The following FIGN variants were observed in gnomAD, a reference collection of about 807,000 sequenced individuals.
FIGN encodes fidgetin.
A neutral mutation model predicts 51.3 loss-of-function variants in FIGN; 11 were observed. The ratio of observed to expected loss-of-function variants is 0.21; its 90% confidence interval spans 0.13 to 0.35. FIGN has a LOEUF of 0.35. FIGN is among the 10% of genes least tolerant of loss of function. The probability of loss-of-function intolerance (pLI) is 1.00; values close to 1 mark genes in which losing one functional copy is unlikely to be tolerated. For missense variants in FIGN, 857 were observed against 943.6 expected (o/e 0.91, Z 1.20); for synonymous variants, 407 against 363.2 (o/e 1.12, Z -1.37).
chr2:163,691,854 TA>T, intron 2 of FIGN, among the ~76,000 whole-genome samples: 2 of 152,098 alleles, frequency 1.3e-5, no homozygotes, highest in African/African-American at 4.8e-5. Context: ...GCAATTAGAA[TA>T]AAGAACAAAA....
intron 2 of FIGN, among the ~76,000 whole-genome samples, chr2:163,652,021 C>T (rs1683484801): frequency 2.0e-5 from 3 of 152,108 alleles, no homozygotes; most frequent in Non-Finnish European, 4.4e-5. Context: ...GTTGTCATAC[C>T]TCCAGTTAGG....
chr2:163,699,236 G>GTATGA, intron 2 of FIGN, among the ~76,000 whole-genome samples: 1 of 152,214 alleles, frequency 6.6e-6, no homozygotes, highest in Middle Eastern at 3.4e-3. Flanking sequence ...AGAAAGGCAG[G>GTATGA]TATGAAGAAA....
At chr2:163,628,704 G>A (rs1683095583) in intron 2 of FIGN, among the ~76,000 whole-genome samples, 2 of 152,078 alleles carry the variant, frequency 1.3e-5, no homozygotes, top group African/African-American at 4.8e-5. Flanking sequence ...ATTATATTTG[G>A]AGGAATGAAG....
chr2:163,719,790 T>A (rs972163513), intron 2 of FIGN, among the ~76,000 whole-genome samples: 2 of 152,174 alleles, frequency 1.3e-5, no homozygotes, highest in Non-Finnish European at 2.9e-5. Context: ...ATATCAAGAC[T>A]AAAATTTTGA....
Position 163,607,707 on chromosome 2 carries a change from G to T in FIGN, c.*1845C>A, listed in dbSNP as rs547868762. ...AATGCCAGTGCTTTGCAACAGTTTT[G>T]TTACTGCATCTCTAAACTAAAAAAA... is the stretch of plus-strand genomic sequence containing the variant. On this transcript the variant is annotated 3_prime_UTR_variant, in exon 3 of 3. Transcript: ENST00000333129. 4 of 152,494 alleles carry T rather than the reference G, an allele frequency of 2.6e-5. No individual in the cohort carries two copies. The South Asian group carries it at 8.3e-4, about 32-fold the overall frequency. 9.4% of individuals were successfully genotyped at this position (152,494 alleles called of 1,614,324 possible). A position where few individuals can be genotyped will look rare whatever the true frequency, so the allele number is the denominator to read the frequency against.
chr2:163,688,183 C>G (rs1684184009), intron 2 of FIGN, among the ~76,000 whole-genome samples: 1 of 152,156 alleles, frequency 6.6e-6, no homozygotes, highest in African/African-American at 2.4e-5. Context: ...GCAATGCCTG[C>G]TTATAAAAGA....
At chr2:163,677,189 C>T (rs1216313870) in intron 2 of FIGN, among the ~76,000 whole-genome samples, 6 of 152,222 alleles carry the variant, frequency 3.9e-5, no homozygotes, top group African/African-American at 1.4e-4. Flanking sequence ...GGCTTATTCC[C>T]TGCATGGAAT....
intron 2 of FIGN, among the ~76,000 whole-genome samples, chr2:163,623,884 TA>T (rs369878119): frequency 8.6e-4 from 131 of 152,246 alleles, no homozygotes; most frequent in Middle Eastern, 3.4e-3. Context: ...TAATATGCTC[TA>T]AAAAAATCTA....
chr2:163,638,906 C>G (rs1683266078), intron 2 of FIGN, among the ~76,000 whole-genome samples: 1 of 149,210 alleles, frequency 6.7e-6, no homozygotes, highest in Admixed American at 6.6e-5. Flanking sequence ...AGTTTTTCTC[C>G]TCTAAAAAAA....
chr2:163,660,285 G>A (rs533111962), intron 2 of FIGN, among the ~76,000 whole-genome samples: 77 of 152,072 alleles, frequency 5.1e-4, no homozygotes, highest in African/African-American at 1.7e-3. Flanking sequence ...AATATTCAAT[G>A]CTGCATAATG....
chr2:163,714,342 A>T (rs1463567336), intron 2 of FIGN, among the ~76,000 whole-genome samples: 1 of 152,158 alleles, frequency 6.6e-6, no homozygotes, highest in Non-Finnish European at 1.5e-5. Flanking sequence ...TGTACAAGTA[A>T]GCAGCATGTT....
At chr2:163,714,016 T>C (rs932904179) in intron 2 of FIGN, among the ~76,000 whole-genome samples, 1 of 152,136 alleles carries the variant, frequency 6.6e-6, no homozygotes, top group South Asian at 2.1e-4. Flanking sequence ...AGTGGTCAGC[T>C]CGGGCACTTG....
At chr2:163,694,625 G>C (rs1182523909) in intron 2 of FIGN, among the ~76,000 whole-genome samples, 1 of 152,118 alleles carries the variant, frequency 6.6e-6, no homozygotes, top group African/African-American at 2.4e-5. Flanking sequence ...CTGAGGTCCA[G>C]GAAAGTAAAG....
chr2:163,612,625 A>G (rs1682775310), intron 2 of FIGN: 2 of 983,962 alleles, frequency 2.0e-6, no homozygotes, highest in Non-Finnish European at 2.4e-6. Context: ...TCGGTCTTCT[A>G]GCGTTCTCCC....
At chr2:163,724,930 T>TA (rs1292856429) in intron 2 of FIGN, among the ~76,000 whole-genome samples, 1 of 152,174 alleles carries the variant, frequency 6.6e-6, no homozygotes, top group African/African-American at 2.4e-5. Flanking sequence ...TAATAACTGA[T>TA]AAGGTTTTTT....
intron 2 of FIGN, among the ~76,000 whole-genome samples, chr2:163,613,053 AT>A (rs957768672): frequency 1.3e-5 from 2 of 152,102 alleles, no homozygotes; most frequent in African/African-American, 2.4e-5. Flanking sequence ...TGAATTTTAA[AT>A]TGTAAAGAGA....
chr2:163,657,600 G>A (rs1016962412), intron 2 of FIGN, among the ~76,000 whole-genome samples: 3 of 151,246 alleles, frequency 2.0e-5, no homozygotes, highest in African/African-American at 7.3e-5. Context: ...AATTCAAGAG[G>A]AATTCTACAG....
At position 163,609,775 on chromosome 2, in the gene FIGN, T is replaced by C. The variant is rs749099633; in HGVS notation, c.2057A>G (p.Glu686Gly). The change falls in exon 3 of 3, where the codon GAA (glutamate) becomes GGA (glycine). Residue 686 changes from glutamate (E) to glycine (G), a missense_variant. Glu to Gly is a moderately conservative substitution (Grantham distance 98). This residue lies in a region of FIGN where 799 missense variants were observed against 849.5 expected (regional missense o/e 0.94). Transcript: ENST00000333129. ...AGCCACATCTAGTCCAGAAAAGCCT[T>C]CTGTGCGCTGGACGAGCAGTGCAAA... Reference protein sequence around the residue: ...KEFALLVQRTEGFSGLDVAHL... With the variant: ...KEFALLVQRTGGFSGLDVAHL... 1.2e-6 allele frequency: 2 copies of C among 1,614,156 alleles called. No individual in the cohort carries two copies. The highest frequency in any genetic ancestry group is 1.7e-6 in the Non-Finnish European group (2 of 1,180,020).
At chr2:163,735,535 G>T (rs1442069241) in intron 1 of FIGN, among the ~76,000 whole-genome samples, 3 of 152,204 alleles carry the variant, frequency 2.0e-5, no homozygotes, top group African/African-American at 7.2e-5. Context: ...TAAAAAGATA[G>T]TAATAAGTAA....
Sources: allele counts gnomAD v4.1 joint callset (sites outside exome capture counted in the v4.1 genomes callset), GRCh38; gene constraint gnomAD v4.1.1; regional missense constraint gnomAD v4.1.1; transcripts MANE v1.5; gene names NCBI Gene and HGNC (gene_info 2026-07-23, HGNC 2026-07-21).